HIP1R: variants seen among roughly 807,000 people sequenced by gnomAD.
The protein encoded by HIP1R is huntingtin-interacting protein 1-related protein.
A neutral mutation model predicts 144.2 loss-of-function variants in HIP1R; 135 were observed. The ratio of observed to expected loss-of-function variants is 0.94; its 90% CI spans 0.81 to 1.08. The LOEUF (loss-of-function observed/expected upper bound fraction) is 1.08. Ranked by LOEUF, HIP1R falls within the 50% of genes least tolerant of loss-of-function variation. The pLI, the probability that HIP1R is intolerant of heterozygous loss-of-function variation, is 0.00. For missense variants in HIP1R, 1,462 were observed against 1,432.8 expected, an observed-to-expected ratio of 1.02 and a Z score of -0.33; for synonymous variants, 698 against 612.8, an observed-to-expected ratio of 1.14 and a Z score of -2.05.
Position 122,858,958 on chromosome 12 carries a change from T to G in HIP1R, c.2158+13T>G. ...GACCCTGCCGACCGTAAGTGGGTCC[T>G]GGGATGGCAGGTTCTGTCCACCTCA... is the stretch of plus-strand genomic sequence containing the variant. On this transcript the variant is annotated intron_variant, in intron 21 of 31. Transcript: ENST00000253083. 6.2e-7 allele frequency: 1 copy of G among 1,612,366 alleles called. No homozygotes were observed. Among genetic ancestry groups the G allele is most frequent in the Non-Finnish European group, 8.5e-7 (1 of 1,179,298 alleles).
chr12:122,849,919 C>G lies in HIP1R; in HGVS notation c.402C>G (p.Thr134=). The G allele has an allele frequency of 6.2e-7, 1 of 1,613,598 alleles. No homozygotes were observed. Residue 134 remains threonine, a synonymous_variant, in exon 5 of 32, where the codon ACC becomes ACG. Coordinates refer to ENST00000253083, the MANE Select transcript of HIP1R (RefSeq NM_003959.3). ...ACGGACAGCTGGTGAATGTCTACAC[C>G]AAGCTGCTGCTGACCAAGATCTCCT... ...DRYGQLVNVY[T]KLLLTKISFH... is the part of the protein sequence containing the mutation.
chr12:122,846,012 G>C (rs1461213700), intron 1 of HIP1R, among the ~76,000 whole-genome samples: 1 of 152,232 alleles, frequency 6.6e-6, no homozygotes, highest in African/African-American at 2.4e-5. Context: ...TCTGGTGCCA[G>C]GTCTGCACCA....
rs1028716091 is a variant in HIP1R at position 122,861,767 on chromosome 12, C to G, written c.*14C>G. 3 of 1,613,350 alleles carry G rather than the reference C, an allele frequency of 1.9e-6. No homozygotes were observed. The African/African-American group carries it at 4.0e-5, about 22-fold the overall frequency. On this transcript the variant is annotated 3_prime_UTR_variant, in exon 32 of 32. Coordinates refer to ENST00000253083, the MANE Select transcript of HIP1R (RefSeq NM_003959.3). ...GTGAACTACTAGGCCCCCCAGGGGT[C>G]CAGCAGGGTGGCTGGTGACAGGCCT...
chr12:122,858,155 G>A lies in HIP1R; in HGVS notation c.1869G>A (p.Val623=). 1 of 1,605,760 alleles carries A rather than the reference G, an allele frequency of 6.2e-7. No individual in the cohort carries two copies. Among genetic ancestry groups the A allele is most frequent in the Non-Finnish European group, 8.5e-7 (1 of 1,178,392 alleles). The change falls in exon 19 of 32, where the codon GTG becomes GTA. Residue 623 remains valine (V), a synonymous_variant. Transcript: ENST00000253083. The part of the protein sequence containing the change: ...RQRLLDEQFA[V]LRGAAAEAAG... Reference sequence around the variant, plus strand: ...GGCTGCTGGACGAGCAGTTCGCAGTGTTGCGGGGCGCTGCTGCCGAGGCCG... The same window carrying A: ...GGCTGCTGGACGAGCAGTTCGCAGTATTGCGGGGCGCTGCTGCCGAGGCCG...
Position 122,858,200 on chromosome 12 carries a change from C to G in HIP1R, c.1914C>G (p.Ala638=). ...AAEAAGILQD[A]VSKLDDPLHL... The stretch of plus-strand genomic sequence containing the variant: ...AGGCCGCGGGCATCCTGCAGGATGC[C>G]GTGAGCAAGCTGGACGACCCCCTGC... Residue 638 remains alanine, a synonymous_variant, in exon 19 of 32, where the codon GCC becomes GCG. Transcript: ENST00000253083. 1 of 1,608,034 alleles carries G rather than the reference C, an allele frequency of 6.2e-7. No individual in the cohort carries two copies. Among genetic ancestry groups the G allele is most frequent in the Non-Finnish European group, 8.5e-7 (1 of 1,177,300 alleles).
rs564682139 is a variant in HIP1R at position 122,847,605 on chromosome 12, T to C, written c.94-426T>C. On this transcript the variant is annotated intron_variant, in intron 1 of 31. Transcript: ENST00000253083. Reference sequence around the variant, plus strand: ...GGGACAATGTGATGTGCACCCTTCATGGGGTGCCGCAAAGGCCAGGTGGGC... The same window carrying C: ...GGGACAATGTGATGTGCACCCTTCACGGGGTGCCGCAAAGGCCAGGTGGGC... 2.6e-5 allele frequency among the ~76,000 whole-genome samples: 4 copies of C among 152,284 alleles called. No homozygotes were observed. The East Asian group carries it at 7.7e-4, about 29-fold the overall frequency.
chr12:122,859,571 GTGGAGCTTTGGGGGCCGGAGGCCCCA>G, intron 23 of HIP1R, 35 bp downstream of exon 23: 1 of 1,553,274 alleles, frequency 6.4e-7, no homozygotes, highest in Non-Finnish European at 8.8e-7. Flanking sequence ...CCTCATTCCT[GTGGAGCTTTGGGGGCCGGAGGCCCCA>G]ACTGGGCTGG....
Position 122,840,759 on chromosome 12 carries a change from C to G in HIP1R, c.93+5116C>G, listed in dbSNP as rs1566100884. On this transcript the variant is annotated intron_variant, in intron 1 of 31. Transcript: ENST00000253083. This position sits in a 1 kb window ranked among gnomAD's most constrained non-coding sequence, Gnocchi z 4.2. ...GGGACTCAGGCAGGTGGGGACAGCC[C>G]TTCCCTGGAAGAGTGAGCCCAGAGG... Among the ~76,000 whole-genome samples the G allele has an allele frequency of 6.6e-6, 1 of 152,178 alleles. No homozygotes were observed. The highest frequency in any genetic ancestry group is 1.5e-5 in the Non-Finnish European group (1 of 68,038).
At chr12:122,842,699 C>G (rs1182510731) in intron 1 of HIP1R, among the ~76,000 whole-genome samples, 2 of 152,218 alleles carry the variant, frequency 1.3e-5, no homozygotes, top group Non-Finnish European at 2.9e-5. Flanking sequence ...GTGCCCATTC[C>G]TGCGGTCTGT....
In HIP1R at chr12:122,849,992, C is replaced by T. The variant is rs59065210; in HGVS notation, c.438+37C>T. On this transcript the variant is annotated intron_variant, in intron 5 of 31. Transcript: ENST00000253083. ...GGGGGAGTCATGGGGCTGAGGGACCCGTGGGCTTTTCCCACTGTGACGTTA... is the reference window on the plus strand; with the variant it reads ...GGGGGAGTCATGGGGCTGAGGGACCTGTGGGCTTTTCCCACTGTGACGTTA... 1,987 of 1,459,220 alleles carry T rather than the reference C, an allele frequency of 1.4e-3. 28 individuals are homozygous for T. In the African/African-American group the frequency reaches 0.023, roughly 17 times the overall value. 90.4% of individuals were successfully genotyped at this position (1,459,220 alleles called of 1,614,324 possible).
In HIP1R at chr12:122,848,565, TC is replaced by T. The variant is rs781575390; in HGVS notation, c.258del (p.Cys87AlafsTer44). 4 of 1,613,178 alleles carry T rather than the reference TC, an allele frequency of 2.5e-6. No individual in the cohort carries two copies. Among genetic ancestry groups the T allele is most frequent in the Non-Finnish European group, 2.5e-6 (3 of 1,179,980 alleles). ...LPSSSILSWK[F>X]CHVLHKVLRD... is the part of the protein sequence containing the mutation. Reference sequence around the variant, plus strand: ...AGCAGCTCCATTCTCAGCTGGAAGTTCTGCCACGTCCTCCACAAGGTCCTTC... The same window carrying T: ...AGCAGCTCCATTCTCAGCTGGAAGTTTGCCACGTCCTCCACAAGGTCCTTC... On this transcript the variant is annotated frameshift_variant, in exon 3 of 32. Transcript: ENST00000253083. LOFTEE classifies it high-confidence loss of function.
In HIP1R at chr12:122,858,860, T is replaced by C; in HGVS notation, c.2073T>C (p.Ala691=). Residue 691 remains alanine, a synonymous_variant, in exon 21 of 32, where the codon GCT becomes GCC. Coordinates refer to ENST00000253083, the MANE Select transcript of HIP1R (RefSeq NM_003959.3). Reference sequence around the variant, plus strand: ...CAGACGCCTCCGCCCTGGTGGCAGCTCTGACCCGCTTCTCCCACCTGGCTG... The same window carrying C: ...CAGACGCCTCCGCCCTGGTGGCAGCCCTGACCCGCTTCTCCCACCTGGCTG... ...SLADASALVA[A]LTRFSHLAAD... The C allele has an allele frequency of 6.2e-7, 1 of 1,613,076 alleles. No individual in the cohort carries two copies. The highest frequency in any genetic ancestry group is 2.2e-5 in the East Asian group (1 of 44,876).
At chr12:122,854,776 G>A (rs905999222) in intron 8 of HIP1R, 129 bp from the exon 9 acceptor site, 1 of 899,522 alleles carries the variant, frequency 1.1e-6, no homozygotes. Flanking sequence ...CCCGATGGGA[G>A]AGCGGGCCTG....
At chr12:122,859,676 T>C (rs1288218441) in intron 23 of HIP1R, 96 bp from the exon 24 acceptor site, 2 of 1,455,954 alleles carry the variant, frequency 1.4e-6, no homozygotes, top group Non-Finnish European at 1.9e-6. Context: ...CAGGGGCCTG[T>C]GAGGTCAGAG....
chr12:122,857,331 T>G, intron 18 of HIP1R, 116 bp downstream of exon 18: 1 of 968,064 alleles, frequency 1.0e-6, no homozygotes, highest in South Asian at 1.4e-5. Context: ...TCATACACGA[T>G]GCATCCTTTT....
rs919529649 is a variant in HIP1R, at chr12:122,840,628, A to G, written c.93+4985A>G. Reference sequence around the variant, plus strand: ...GAGCAGGCTGGGCTGAAAGAGAGAAACAAGCTCCCTGTTGAGCTCTGCCCG... The same window carrying G: ...GAGCAGGCTGGGCTGAAAGAGAGAAGCAAGCTCCCTGTTGAGCTCTGCCCG... On this transcript the variant is annotated intron_variant, in intron 1 of 31. Coordinates refer to ENST00000253083, the MANE Select transcript of HIP1R (RefSeq NM_003959.3). The surrounding 1 kb of genome is among the most constrained non-coding windows in gnomAD (Gnocchi z 4.2). Among the ~76,000 whole-genome samples the G allele has an allele frequency of 1.3e-5, 2 of 152,218 alleles. No individual in the cohort carries two copies. The highest frequency in any genetic ancestry group is 2.9e-5 in the Non-Finnish European group (2 of 68,046).
Position 122,858,796 on chromosome 12 carries a change from A to G in HIP1R, c.2051-42A>G, listed in dbSNP as rs764480887. ...ACGGTGGTCCCAGTGCTAGTGTCTC[A>G]GTGTCATCCTCCCCCAACCTTGGCC... On this transcript the variant is annotated intron_variant, in intron 20 of 31. Coordinates refer to ENST00000253083, the MANE Select transcript of HIP1R (RefSeq NM_003959.3). 4 of 1,359,246 alleles carry G rather than the reference A, an allele frequency of 2.9e-6. No homozygotes were observed. The East Asian group carries it at 9.2e-5, about 31-fold the overall frequency. 84.2% of individuals were successfully genotyped at this position (1,359,246 alleles called of 1,614,324 possible). A position where few individuals can be genotyped will look rare whatever the true frequency, so the allele number is the denominator to read the frequency against.
chr12:122,849,706 A>G (rs2033318328), intron 4 of HIP1R, among the ~76,000 whole-genome samples, 169 bp from the exon 5 acceptor site: 1 of 152,246 alleles, frequency 6.6e-6, no homozygotes, highest in African/African-American at 2.4e-5. Context: ...ACAAGGAGGA[A>G]GATTAAGGGA....
At chr12:122,844,892 A>G (rs4759351) in intron 1 of HIP1R, among the ~76,000 whole-genome samples, 143,924 of 152,148 alleles carry the variant, frequency 0.95, 68,113 homozygotes, top group East Asian at 0.98. Flanking sequence ...CATGGGGCAC[A>G]AATGCAGGCT....
Sources: allele counts gnomAD v4.1 joint callset (sites outside exome capture counted in the v4.1 genomes callset), GRCh38; gene constraint gnomAD v4.1.1; non-coding constraint Gnocchi (gnomAD v3.1); transcripts MANE v1.5; gene names NCBI Gene and HGNC (gene_info 2026-07-23, HGNC 2026-07-21).